The following COL8A1 variants were observed in gnomAD, a reference collection of about 807,000 sequenced individuals.
COL8A1 encodes collagen alpha-1(VIII) chain.
COL8A1 carries 21 observed loss-of-function variants against 42.7 expected under a neutral mutation model. The ratio of observed to expected loss-of-function variants is 0.49; its 90% CI spans 0.35 to 0.71. The LOEUF (loss-of-function observed/expected upper bound fraction) is 0.71, where lower values mean the gene tolerates loss of function less well. Ranked by LOEUF, COL8A1 falls within the 30% of genes least tolerant of loss-of-function variation. The pLI is 0.01. For synonymous variants in COL8A1, 367 were observed against 369.1 expected, an observed-to-expected ratio of 0.99 and a Z score of 0.06; for missense variants, 788 against 962.4, an observed-to-expected ratio of 0.82 and a Z score of 2.40.
At chr3:99,675,229 A>G (rs868348369) in intron 1 of COL8A1, among the ~76,000 whole-genome samples, 3 of 151,866 alleles carry the variant, frequency 2.0e-5, no homozygotes, top group South Asian at 2.1e-4. Flanking sequence ...GCCATAGTAA[A>G]CTGATATTTT....
At chr3:99,734,457 T>G (rs1289455290) in intron 1 of COL8A1, among the ~76,000 whole-genome samples, 7 of 150,748 alleles carry the variant, frequency 4.6e-5, no homozygotes, top group Non-Finnish European at 8.8e-5. Flanking sequence ...ATCAGATAGT[T>G]GTAGATATGT....
chr3:99,706,161 C>T (rs971121990), intron 1 of COL8A1, among the ~76,000 whole-genome samples: 2 of 152,144 alleles, frequency 1.3e-5, no homozygotes, highest in Non-Finnish European at 2.9e-5. Context: ...CACCCTACTC[C>T]ACTATACACC....
At position 99,794,453 on chromosome 3, in the gene COL8A1, A is replaced by C. The variant is rs1942063221; in HGVS notation, c.552A>C (p.Lys184Asn). ...GGGCAAAAGGAGAAATTGGACAGAA[A>C]GGGGAAATTGGGCCTATGGGGATCC... ...MPGAKGEIGQ[K>N]GEIGPMGIPG... The change falls in exon 4 of 4, where the codon AAA becomes AAC. Residue 184 changes from lysine (K) to asparagine (N), a missense_variant. Physicochemically the swap from Lys to Asn is moderately conservative, Grantham distance 94 (BLOSUM62 0). This residue lies in a region of COL8A1 where 421 missense variants were observed against 553.1 expected (regional missense o/e 0.76). Coordinates refer to ENST00000652472, the MANE Select transcript of COL8A1 (RefSeq NM_020351.4). The surrounding 1 kb of genome is among the most constrained non-coding windows in gnomAD (Gnocchi z 4.3). 2 of 1,613,894 alleles carry C rather than the reference A, an allele frequency of 1.2e-6. No homozygotes were observed. The highest frequency in any genetic ancestry group is 1.3e-5 in the African/African-American group (1 of 74,908).
rs9839882 is a variant in COL8A1, at chr3:99,697,268, G to T, written c.-128-47629G>T. ...CCCAAAGTGCTGGGATTACAGGCGT[G>T]AGCCACCGCGCCCGGCACAAAATTT... On this transcript the variant is annotated intron_variant, in intron 1 of 3. Transcript: ENST00000652472. Among the ~76,000 whole-genome samples, 489 of 152,184 alleles carry T rather than the reference G, an allele frequency of 3.2e-3. 2 individuals are homozygous for T. The highest frequency in any genetic ancestry group is 0.011 in the African/African-American group (460 of 41,520).
At chr3:99,697,938 G>T (rs1011258217) in intron 1 of COL8A1, among the ~76,000 whole-genome samples, 5 of 152,082 alleles carry the variant, frequency 3.3e-5, no homozygotes, top group African/African-American at 7.2e-5. Context: ...TTTACATCAG[G>T]TATTTCTCCT....
chr3:99,721,394 G>A, intron 1 of COL8A1, among the ~76,000 whole-genome samples: 1 of 139,592 alleles, frequency 7.2e-6, no homozygotes, highest in Admixed American at 7.3e-5. Context: ...AGAAAGGAAA[G>A]GAAAAAGGAA....
intron 2 of COL8A1, among the ~76,000 whole-genome samples, chr3:99,771,330 A>T (rs894607136): frequency 6.6e-6 from 1 of 152,236 alleles, no homozygotes; most frequent in Non-Finnish European, 1.5e-5. Flanking sequence ...AAATACATTC[A>T]TGAAAAGACT....
At chr3:99,722,057 C>T (rs953891890) in intron 1 of COL8A1, among the ~76,000 whole-genome samples, 106 of 151,978 alleles carry the variant, frequency 7.0e-4, no homozygotes, top group Non-Finnish European at 1.2e-3. Context: ...ATGCTATGAA[C>T]TTTTTTCAAT....
chr3:99,717,996 A>G (rs192969339), intron 1 of COL8A1, among the ~76,000 whole-genome samples: 23 of 152,086 alleles, frequency 1.5e-4, no homozygotes, highest in Admixed American at 1.4e-3. Context: ...ACAAACGTCC[A>G]TTCCATTGCC....
intron 1 of COL8A1, among the ~76,000 whole-genome samples, chr3:99,737,603 G>A (rs1940767100): frequency 1.3e-5 from 2 of 152,172 alleles, no homozygotes; most frequent in African/African-American, 4.8e-5. Flanking sequence ...TCCGCTGTCA[G>A]TCTGATGGGC....
intron 2 of COL8A1, among the ~76,000 whole-genome samples, chr3:99,780,841 C>T (rs1941781520): frequency 6.6e-6 from 1 of 152,194 alleles, no homozygotes; most frequent in Non-Finnish European, 1.5e-5. Context: ...CCAGACACCA[C>T]ATCCATCTCT....
intron 2 of COL8A1, among the ~76,000 whole-genome samples, chr3:99,786,485 A>C (rs973899436): frequency 1.3e-5 from 2 of 152,150 alleles, no homozygotes; most frequent in African/African-American, 4.8e-5. Flanking sequence ...CTAGACAACC[A>C]ATCTGCTGGC....
chr3:99,698,608 A>G (rs1262485147), intron 1 of COL8A1, among the ~76,000 whole-genome samples: 1 of 152,216 alleles, frequency 6.6e-6, no homozygotes, highest in Non-Finnish European at 1.5e-5. Context: ...CTTATGTTCT[A>G]GTTGGAGAGA....
chr3:99,735,729 C>T lies in COL8A1; in HGVS notation c.-128-9168C>T, dbSNP rs1468833783. 1.1e-4 allele frequency among the ~76,000 whole-genome samples: 17 copies of T among 151,790 alleles called. No individual in the cohort carries two copies. The South Asian group carries it at 3.6e-3, about 32-fold the overall frequency. The stretch of plus-strand genomic sequence containing the variant: ...TGGAATAGTTTCAGAAGGAATGGTA[C>T]CAGCTCCTCCTTGTACCTCTGGTAG... On this transcript the variant is annotated intron_variant, in intron 1 of 3. Transcript: ENST00000652472.
chr3:99,793,216 G>A lies in COL8A1; in HGVS notation c.329-1014G>A, dbSNP rs1157566701. On this transcript the variant is annotated intron_variant, in intron 3 of 3. Transcript: ENST00000652472. ...TTGTTTTTTGGATATCTATTGCATAGAATAGCGAGTATAGTTAATAATAAT... is the reference window on the plus strand; with the variant it reads ...TTGTTTTTTGGATATCTATTGCATAAAATAGCGAGTATAGTTAATAATAAT... 2.0e-5 allele frequency among the ~76,000 whole-genome samples: 3 copies of A among 152,188 alleles called. No individual in the cohort carries two copies. In the East Asian group the frequency reaches 5.8e-4, roughly 29 times the overall value.
At chr3:99,724,364 TG>T (rs1194302787) in intron 1 of COL8A1, among the ~76,000 whole-genome samples, 1 of 152,112 alleles carries the variant, frequency 6.6e-6, no homozygotes, top group Non-Finnish European at 1.5e-5. Flanking sequence ...TTTATTTGCA[TG>T]CTTTCCTTTC....
At chr3:99,737,897 C>T (rs1222899412) in intron 1 of COL8A1, among the ~76,000 whole-genome samples, 1 of 151,120 alleles carries the variant, frequency 6.6e-6, no homozygotes, top group Non-Finnish European at 1.5e-5. Context: ...TCACATAGTC[C>T]CATATTTCTT....
chr3:99,698,037 A>G lies in COL8A1; in HGVS notation c.-128-46860A>G, dbSNP rs141928640. Among the ~76,000 whole-genome samples, 644 of 152,186 alleles carry G rather than the reference A, an allele frequency of 4.2e-3. 5 individuals are homozygous for G. Among genetic ancestry groups the G allele is most frequent in the African/African-American group, 0.015 (614 of 41,504 alleles). ...TGTGTCTATGTGTTCTCATTGTTCA[A>G]TTCCCACCTATGAGTGAGAACATGT... On this transcript the variant is annotated intron_variant, in intron 1 of 3. Transcript: ENST00000652472.
intron 1 of COL8A1, among the ~76,000 whole-genome samples, chr3:99,676,812 G>A (rs977517521): frequency 2.6e-5 from 4 of 151,974 alleles, no homozygotes; most frequent in African/African-American, 9.7e-5. Flanking sequence ...CATTTATCTA[G>A]CCCATTGGAT....
Sources: allele counts gnomAD v4.1 joint callset (sites outside exome capture counted in the v4.1 genomes callset), GRCh38; gene constraint gnomAD v4.1.1; regional missense constraint gnomAD v4.1.1; non-coding constraint Gnocchi (gnomAD v3.1); transcripts MANE v1.5; gene names NCBI Gene and HGNC (gene_info 2026-07-23, HGNC 2026-07-21).